Variants in IFNGR1 observed in about 807,000 individuals in gnomAD.
The protein encoded by IFNGR1 is interferon gamma receptor 1.
A neutral mutation model predicts 35.4 loss-of-function variants in IFNGR1; 23 were observed. The observed-to-expected ratio is 0.65, with a 90% confidence interval of 0.47 to 0.92. IFNGR1 has a LOEUF of 0.92. IFNGR1 is among the 40% of genes least tolerant of loss of function. IFNGR1 has a pLI of 0.00. For missense variants in IFNGR1, 533 were observed against 583.4 expected, an observed-to-expected ratio of 0.91 and a Z score of 0.89; for synonymous variants, 199 against 209.5, an observed-to-expected ratio of 0.95 and a Z score of 0.43.
intron 1 of IFNGR1, chr6:137,215,440 G>A: frequency 9.5e-7 from 1 of 1,050,266 alleles, no homozygotes; most frequent in Non-Finnish European, 1.4e-6. Flanking sequence ...GACCTAAACA[G>A]ATACCTAGTA....
chr6:137,219,266 G>T lies in IFNGR1; in HGVS notation c.62C>A (p.Thr21Asn). ...ACCTGAGGACGGCCCCAGATCCGCG[G>T]TGCCCATCTCAGCCCTGCTCACACC... ...MQGVSRAEMGTADLGPSSVPT... is the reference protein window; with the variant it reads ...MQGVSRAEMGNADLGPSSVPT... Residue 21 changes from threonine (T) to asparagine (N), a missense_variant, in exon 1 of 7, where the codon ACC (threonine) becomes AAC (asparagine). Transcript: ENST00000367739. 1.2e-6 allele frequency: 2 copies of T among 1,611,686 alleles called. No homozygotes were observed. The highest frequency in any genetic ancestry group is 1.7e-6 in the Non-Finnish European group (2 of 1,179,188).
intron 6 of IFNGR1, among the ~76,000 whole-genome samples, chr6:137,198,897 G>C (rs1306941494): frequency 1.3e-5 from 2 of 152,176 alleles, no homozygotes; most frequent in Non-Finnish European, 2.9e-5. Flanking sequence ...AATACTGAGT[G>C]TCAACTTGAT....
rs552927708 is a variant in IFNGR1 at position 137,198,296 on chromosome 6, C to T, written c.1205G>A (p.Cys402Tyr). The change falls in exon 7 of 7, where the codon TGT (cysteine) becomes TAT (tyrosine). Residue 402 changes from cysteine to tyrosine, a missense_variant. Cys to Tyr is a radical substitution (Grantham distance 194). Transcript: ENST00000367739. ...IALNSYHSRN[C>Y]SESDHSRNGF... Reference sequence around the variant, plus strand: ...ATTTCTGGAGTGATCACTCTCAGAACAATTTCTGGAGTGATACGAGTTTAA... The same window carrying T: ...ATTTCTGGAGTGATCACTCTCAGAATAATTTCTGGAGTGATACGAGTTTAA... 6.2e-7 allele frequency: 1 copy of T among 1,613,954 alleles called. No homozygotes were observed. Among genetic ancestry groups the T allele is most frequent in the African/African-American group, 1.3e-5 (1 of 74,916 alleles).
intron 1 of IFNGR1, chr6:137,218,900 T>C (rs528254606): frequency 2.1e-5 from 9 of 420,118 alleles, no homozygotes; most frequent in East Asian, 5.4e-5. Flanking sequence ...AAGAAGACGA[T>C]ATTATAATCT....
chr6:137,218,066 G>C (rs542380203), intron 1 of IFNGR1, among the ~76,000 whole-genome samples: 3 of 152,332 alleles, frequency 2.0e-5, no homozygotes, highest in East Asian at 3.9e-4. Flanking sequence ...TGACTGACTA[G>C]AGCCTAGAAG....
intron 6 of IFNGR1, among the ~76,000 whole-genome samples, chr6:137,199,491 AT>A (rs1779198767): frequency 2.9e-5 from 3 of 102,540 alleles, no homozygotes; most frequent in African/African-American, 1.1e-4. Flanking sequence ...TTTATAATAT[AT>A]TATATAAAAT....
intron 1 of IFNGR1, chr6:137,218,883 G>A (rs1779773154): frequency 2.6e-6 from 1 of 388,120 alleles, no homozygotes; most frequent in Non-Finnish European, 4.9e-6. Flanking sequence ...ATAAAAAAAG[G>A]TACAGTAAGA....
At chr6:137,215,804 T>G (rs1446712881) in intron 1 of IFNGR1, among the ~76,000 whole-genome samples, 1 of 152,166 alleles carries the variant, frequency 6.6e-6, no homozygotes, top group Non-Finnish European at 1.5e-5. Flanking sequence ...CTAGACCTCC[T>G]GGGCTCAAGT....
intron 6 of IFNGR1, 65 bp from the exon 7 acceptor site, chr6:137,198,704 A>C (rs1779163331): frequency 7.6e-7 from 1 of 1,311,306 alleles, no homozygotes; most frequent in African/African-American, 1.4e-5. Context: ...CCTCAAAAAA[A>C]ACAAAGGTCT....
At position 137,219,378 on chromosome 6, in the gene IFNGR1, C is replaced by G; in HGVS notation, c.-51G>C. 1.3e-6 allele frequency: 2 copies of G among 1,566,900 alleles called. No homozygotes were observed. Among genetic ancestry groups the G allele is most frequent in the Non-Finnish European group, 1.7e-6 (2 of 1,155,894 alleles). On this transcript the variant is annotated 5_prime_UTR_variant, in exon 1 of 7. Coordinates refer to ENST00000367739, the MANE Select transcript of IFNGR1 (RefSeq NM_000416.3). ...AACCCCGAGCGCCTGCGGGACCAGC[C>G]CAGCACTGCCCTCCAGCCCCGGCCT...
chr6:137,207,111 G>C (rs753311707), intron 1 of IFNGR1, 34 bp from the exon 2 acceptor site: 1 of 1,611,146 alleles, frequency 6.2e-7, no homozygotes, highest in South Asian at 1.1e-5. Flanking sequence ...AGGGACAATT[G>C]TAAGAAACTA....
At chr6:137,210,901 C>T (rs988615537) in intron 1 of IFNGR1, among the ~76,000 whole-genome samples, 2 of 152,148 alleles carry the variant, frequency 1.3e-5, no homozygotes, top group African/African-American at 2.4e-5. Flanking sequence ...TTATTTAACA[C>T]ATATATTTTC....
In IFNGR1 at chr6:137,202,654, C is replaced by A. The variant is rs1425684654; in HGVS notation, c.733+845G>T. On this transcript the variant is annotated intron_variant, in intron 5 of 6. Transcript: ENST00000367739. Reference sequence around the variant, plus strand: ...ACACACACACACACACAAAGATAATCATCAAAGCATGAGTTACAATATATG... The same window carrying A: ...ACACACACACACACACAAAGATAATAATCAAAGCATGAGTTACAATATATG... Among the ~76,000 whole-genome samples the A allele has an allele frequency of 7.6e-5, 11 of 143,994 alleles. No homozygotes were observed. The East Asian group carries it at 2.4e-3, about 31-fold the overall frequency. 94.5% of individuals were successfully genotyped at this position (143,994 alleles called of 152,430 possible).
intron 1 of IFNGR1, among the ~76,000 whole-genome samples, chr6:137,214,714 C>T (rs911766730): frequency 3.3e-5 from 5 of 152,142 alleles, no homozygotes; most frequent in Non-Finnish European, 5.9e-5. Flanking sequence ...TGGACCAGAC[C>T]AATCTAGTCC....
At chr6:137,207,206 C>A in intron 1 of IFNGR1, 129 bp from the exon 2 acceptor site, 1 of 1,211,948 alleles carries the variant, frequency 8.3e-7, no homozygotes, top group Non-Finnish European at 1.1e-6. Flanking sequence ...ACCAGGATAC[C>A]AAAATTATTT....
chr6:137,202,814 G>T lies in IFNGR1; in HGVS notation c.733+685C>A, dbSNP rs1043090951. On this transcript the variant is annotated intron_variant, in intron 5 of 6. Transcript: ENST00000367739. ...ACTACAGATTATTTTGTTTTCTTCT[G>T]GTTTTTCATATTTTATAAATTATCT... Among the ~76,000 whole-genome samples the T allele has an allele frequency of 6.6e-5, 10 of 151,918 alleles. No homozygotes were observed. In the South Asian group the frequency reaches 2.1e-3, roughly 32 times the overall value.
At position 137,198,084 on chromosome 6, in the gene IFNGR1, T is replaced by C. The variant is rs1397301107; in HGVS notation, c.1417A>G (p.Lys473Glu). ...LVDLLVDDSG[K>E]ESLIGYRPTE... The stretch of plus-strand genomic sequence containing the variant: ...GGTCTATAACCAATCAAGGACTCTT[T>C]ACCGCTATCATCCACAAGTAGATCC... Residue 473 changes from lysine to glutamate, a missense_variant, in exon 7 of 7, where the codon AAA becomes GAA. Coordinates refer to ENST00000367739, the MANE Select transcript of IFNGR1 (RefSeq NM_000416.3). 2 of 1,614,074 alleles carry C rather than the reference T, an allele frequency of 1.2e-6. No individual in the cohort carries two copies. The highest frequency in any genetic ancestry group is 1.7e-6 in the Non-Finnish European group (2 of 1,180,026).
intron 1 of IFNGR1, among the ~76,000 whole-genome samples, chr6:137,216,436 A>T (rs1036148238): frequency 6.6e-6 from 1 of 152,218 alleles, no homozygotes; most frequent in Non-Finnish European, 1.5e-5. Context: ...GCACACACAG[A>T]TTTTATTTTC....
chr6:137,203,656 T>G lies in IFNGR1; in HGVS notation c.576A>C (p.Glu192Asp). ...EIQYKILTQK[E>D]DDCDEIQCQL... is the part of the protein sequence containing the mutation. ...GGCACTGAATCTCGTCACAATCATCTTCCTTCTGCGTGAGTATTTTATACT... is the reference window on the plus strand; with the variant it reads ...GGCACTGAATCTCGTCACAATCATCGTCCTTCTGCGTGAGTATTTTATACT... The change falls in exon 5 of 7, where the codon GAA (glutamate) becomes GAC (aspartate). Residue 192 changes from glutamate to aspartate, a missense_variant. Glu to Asp is a conservative substitution (Grantham distance 45). Transcript: ENST00000367739. The G allele has an allele frequency of 6.2e-7, 1 of 1,613,430 alleles. No homozygotes were observed. Among genetic ancestry groups the G allele is most frequent in the Non-Finnish European group, 8.5e-7 (1 of 1,179,480 alleles).
Sources: allele counts gnomAD v4.1 joint callset (sites outside exome capture counted in the v4.1 genomes callset), GRCh38; gene constraint gnomAD v4.1.1; transcripts MANE v1.5; gene names NCBI Gene and HGNC (gene_info 2026-07-23, HGNC 2026-07-21).